SEPTIN12: variants seen among roughly 807,000 people sequenced by gnomAD.
SEPTIN12 encodes septin 12.
In SEPTIN12, 42 loss-of-function variants were observed where a neutral mutation model predicts 37.7. That is an observed-to-expected ratio of 1.11 (90% CI 0.87 to 1.44). SEPTIN12 has a LOEUF of 1.44. Ranked by LOEUF, SEPTIN12 falls within the 40% of genes most tolerant of loss-of-function variation. The pLI, the probability that SEPTIN12 is intolerant of heterozygous loss-of-function variation, is 0.00. For missense variants in SEPTIN12, 613 were observed against 479.2 expected, an observed-to-expected ratio of 1.28 and a Z score of -2.61; for synonymous variants, 254 against 196.7, an observed-to-expected ratio of 1.29 and a Z score of -2.44.
At chr16:4,789,918 T>C (rs544242817), upstream of SEPTIN12, 7 of 151,922 alleles carry the variant, frequency 4.6e-5, no homozygotes, top group East Asian at 1.9e-4. Context: ...TCTTTCTTTT[T>C]TTTTTTTCTT....
chr16:4,790,477 C>G (rs2082535102), upstream of SEPTIN12, among the ~76,000 whole-genome samples: 2 of 152,144 alleles, frequency 1.3e-5, no homozygotes, highest in Admixed American at 1.3e-4. Context: ...TTCCTGGAGG[C>G]TTAACCTTAA....
chr16:4,787,451 T>A, intron 2 of SEPTIN12, 29 bp downstream of exon 2: 2 of 1,607,432 alleles, frequency 1.2e-6, no homozygotes, highest in Non-Finnish European at 1.7e-6. Flanking sequence ...TGTGGGTCTG[T>A]CCTGCCGTGG....
At chr16:4,790,589 A>C (rs1450024885), upstream of SEPTIN12, among the ~76,000 whole-genome samples, 1 of 152,160 alleles carries the variant, frequency 6.6e-6, no homozygotes, top group East Asian at 1.9e-4. Context: ...CCGGTTTGAG[A>C]CCAGCCTGGC....
chr16:4,779,573 T>A, intron 8 of SEPTIN12, 117 bp downstream of exon 8: 2 of 738,618 alleles, frequency 2.7e-6, no homozygotes, highest in Non-Finnish European at 4.8e-6. Context: ...TCCCCAGGGC[T>A]CTTTGTCTAG....
intron 8 of SEPTIN12, among the ~76,000 whole-genome samples, chr16:4,778,715 G>A (rs1190368495): frequency 5.3e-5 from 8 of 151,360 alleles, no homozygotes; most frequent in Admixed American, 2.0e-4. Flanking sequence ...CAGGAGAATC[G>A]CTTGAACCTG....
intron 7 of SEPTIN12, among the ~76,000 whole-genome samples, chr16:4,781,610 G>A (rs893083342): frequency 7.9e-5 from 12 of 151,626 alleles, no homozygotes; most frequent in Non-Finnish European, 1.5e-4. Flanking sequence ...GTTCCCCCAC[G>A]CTGTAGCAGG....
intron 7 of SEPTIN12, among the ~76,000 whole-genome samples, chr16:4,781,497 T>C (rs2082371012): frequency 6.6e-6 from 1 of 152,066 alleles, no homozygotes; most frequent in Non-Finnish European, 1.5e-5. Context: ...TCTGTCTCTA[T>C]AGATTTGCCT....
In SEPTIN12 at chr16:4,787,501, C is replaced by G. The variant is rs1384271239; in HGVS notation, c.145G>C (p.Glu49Gln). The G allele has an allele frequency of 2.5e-6, 4 of 1,612,970 alleles. No homozygotes were observed. Among genetic ancestry groups the G allele is most frequent in the Admixed American group, 1.7e-5 (1 of 59,998 alleles). The stretch of plus-strand genomic sequence containing the variant: ...TCACCCACCACCATGATGTTGAACT[C>G]AAACCCCATCTTCATAGCCTTGATC... ...LKIKAMKMGF[E>Q]FNIMVVGQSG... Residue 49 changes from glutamate to glutamine, a missense_variant, in exon 2 of 10, where the codon GAG (glutamate) becomes CAG (glutamine). Coordinates refer to ENST00000268231, the MANE Select transcript of SEPTIN12 (RefSeq NM_144605.5).
At chr16:4,786,992 A>G (rs1320608847) in intron 2 of SEPTIN12, among the ~76,000 whole-genome samples, 1 of 151,840 alleles carries the variant, frequency 6.6e-6, no homozygotes. Flanking sequence ...CTCCTGCCTT[A>G]GCCTCCTAAG....
upstream of SEPTIN12, chr16:4,788,581 T>A (rs921805279): frequency 6.6e-6 from 1 of 152,092 alleles, no homozygotes; most frequent in Non-Finnish European, 1.5e-5. Flanking sequence ...TCTGCTGGGG[T>A]GAGCAAACCC....
chr16:4,789,915 T>G (rs1373789193), upstream of SEPTIN12: 1 of 125,568 alleles, frequency 8.0e-6, no homozygotes. Context: ...TTTTCTTTCT[T>G]TTTTTTTTTT....
intron 7 of SEPTIN12, among the ~76,000 whole-genome samples, chr16:4,779,996 T>G (rs939815713): frequency 6.6e-6 from 1 of 151,988 alleles, no homozygotes; most frequent in African/African-American, 2.4e-5. Context: ...ATTTCAGCAC[T>G]TTAGGAGGCC....
At chr16:4,780,048 C>A (rs1466459072) in intron 7 of SEPTIN12, among the ~76,000 whole-genome samples, 3 of 151,832 alleles carry the variant, frequency 2.0e-5, no homozygotes, top group African/African-American at 4.8e-5. Flanking sequence ...TTGAGACCAG[C>A]CTGGGCAACA....
At position 4,785,825 on chromosome 16, in the gene SEPTIN12, T is replaced by C; in HGVS notation, c.356A>G (p.Gln119Arg). The change falls in exon 4 of 10, where the codon CAG becomes CGG. Residue 119 changes from glutamine (Q) to arginine (R), a missense_variant. Physicochemically the swap from Gln to Arg is conservative, Grantham distance 43. Transcript: ENST00000268231. ...AACCTACCAGTTGTCATTGTTGATC[T>C]GGTCCCCGAAGCCGGGCGTGTCCGT... ...TVTDTPGFGD[Q>R]INNDNCWDPI... 2.5e-6 allele frequency: 4 copies of C among 1,610,890 alleles called. No homozygotes were observed. Among genetic ancestry groups the C allele is most frequent in the Non-Finnish European group, 3.4e-6 (4 of 1,178,880 alleles).
At chr16:4,779,600 G>A (rs1240954842) in intron 8 of SEPTIN12, 90 bp downstream of exon 8, 12 of 809,896 alleles carry the variant, frequency 1.5e-5, no homozygotes, top group Non-Finnish European at 2.6e-5. Context: ...TCACCTTTCT[G>A]TGCCCTGTGA....
rs756493250 is a variant in SEPTIN12, at chr16:4,777,896, G to C, written c.978C>G (p.Gly326=). The part of the protein sequence containing the change: ...NESHLLPRGP[G]WVNLAPASPG... ...GGGAGGCCGGGGCCAGGTTCACCCA[G>C]CCGGGCCCGCGGGGCAGCAGGTGGC... Residue 326 remains glycine (G), a synonymous_variant, in exon 10 of 10, where the codon GGC becomes GGG. Transcript: ENST00000268231. 3.1e-6 allele frequency: 5 copies of C among 1,599,742 alleles called. No homozygotes were observed. Among genetic ancestry groups the C allele is most frequent in the Middle Eastern group, 1.7e-4 (1 of 6,046 alleles).
chr16:4,789,204 G>A (rs1213932377), upstream of SEPTIN12, among the ~76,000 whole-genome samples: 1 of 152,124 alleles, frequency 6.6e-6, no homozygotes, highest in African/African-American at 2.4e-5. Context: ...TAGAGAAGGG[G>A]TTTCACCACA....
chr16:4,786,393 C>T (rs1337956689), intron 2 of SEPTIN12, among the ~76,000 whole-genome samples: 1 of 145,906 alleles, frequency 6.9e-6, no homozygotes, highest in Non-Finnish European at 1.5e-5. Flanking sequence ...CTCGCTCTGT[C>T]ACCCAGGCTG....
At chr16:4,785,382 C>T (rs2082425678) in intron 4 of SEPTIN12, among the ~76,000 whole-genome samples, 1 of 151,590 alleles carries the variant, frequency 6.6e-6, no homozygotes, top group Admixed American at 6.6e-5. Flanking sequence ...AAAGATCACA[C>T]AGCCTGGCTG....
Sources: gnomAD v4.1 joint callset for allele counts (sites outside exome capture counted in the v4.1 genomes callset) on GRCh38, gnomAD v4.1.1 for gene constraint, MANE v1.5 for transcripts, NCBI Gene and HGNC (gene_info 2026-07-23, HGNC 2026-07-21) for gene names.